SLC22A9: variants seen among roughly 807,000 people sequenced by gnomAD.
SLC22A9 encodes solute carrier family 22 member 9, also known as organic anion transporter 7.
Under a neutral mutation model 50.1 loss-of-function variants are expected in SLC22A9, and 64 were observed. The observed-to-expected ratio is 1.28, with a 90% CI of 1.04 to 1.57. The LOEUF (loss-of-function observed/expected upper bound fraction) is 1.57. SLC22A9 is among the 40% of genes most tolerant of loss of function. SLC22A9 has a pLI of 0.00. For missense variants in SLC22A9, 757 were observed against 676.1 expected (o/e 1.12, Z -1.33); for synonymous variants, 261 against 242.5 (o/e 1.08, Z -0.71).
At chr11:63,388,001 T>A (rs577327) in intron 6 of SLC22A9, among the ~76,000 whole-genome samples, 3 of 152,080 alleles carry the variant, frequency 2.0e-5, no homozygotes, top group African/African-American at 7.2e-5. Context: ...TTTTGTATCC[T>A]GCAGCTTCAC....
chr11:63,394,729 T>G (rs928321314), intron 6 of SLC22A9, among the ~76,000 whole-genome samples: 1 of 152,176 alleles, frequency 6.6e-6, no homozygotes, highest in African/African-American at 2.4e-5. Context: ...GAGATGAATT[T>G]CACAGGAGTT....
chr11:63,406,224 T>C (rs1055698142), intron 6 of SLC22A9, among the ~76,000 whole-genome samples: 5 of 152,232 alleles, frequency 3.3e-5, no homozygotes, highest in Non-Finnish European at 5.9e-5. Flanking sequence ...TCCTGCTTCA[T>C]AAGACACAGT....
chr11:63,371,268 A>G, intron 2 of SLC22A9, 30 bp downstream of exon 2: 1 of 1,496,364 alleles, frequency 6.7e-7, no homozygotes, highest in Non-Finnish European at 9.3e-7. Flanking sequence ...AGCTCTCTTT[A>G]AGGGCATTTT....
At chr11:63,371,041 A>G in intron 1 of SLC22A9, 94 bp from the exon 2 acceptor site, 1 of 862,042 alleles carries the variant, frequency 1.2e-6, no homozygotes, top group Admixed American at 2.3e-5. Context: ...TTAGAGACTT[A>G]ATATTAGGAA....
chr11:63,388,807 G>A (rs1049475732), intron 6 of SLC22A9, among the ~76,000 whole-genome samples: 1 of 151,880 alleles, frequency 6.6e-6, no homozygotes, highest in Non-Finnish European at 1.5e-5. Context: ...CAGGTCCAGA[G>A]CTTGTCTTTG....
At chr11:63,401,255 C>G (rs1322705320) in intron 6 of SLC22A9, among the ~76,000 whole-genome samples, 1 of 151,952 alleles carries the variant, frequency 6.6e-6, no homozygotes, top group African/African-American at 2.4e-5. Context: ...TACAAAAACC[C>G]AAAGACCCTC....
intron 6 of SLC22A9, among the ~76,000 whole-genome samples, chr11:63,399,742 G>A (rs1002285078): frequency 5.9e-5 from 9 of 152,110 alleles, no homozygotes; most frequent in Non-Finnish European, 1.0e-4. Flanking sequence ...AATGCAGGAT[G>A]TACATTCTTC....
chr11:63,393,276 T>G (rs2014796241), intron 6 of SLC22A9, among the ~76,000 whole-genome samples: 2 of 152,172 alleles, frequency 1.3e-5, no homozygotes, highest in Non-Finnish European at 2.9e-5. Context: ...GTTCTTGATT[T>G]GATTCTTCAC....
In SLC22A9 at chr11:63,408,716, G is replaced by A; in HGVS notation, c.1438G>A (p.Ala480Thr). The change falls in exon 9 of 10, where the codon GCA becomes ACA. Residue 480 changes from alanine (A) to threonine (T), a missense_variant. Ala to Thr is a moderately conservative substitution (Grantham distance 58). Transcript: ENST00000279178. The stretch of plus-strand genomic sequence containing the variant: ...GATCAATGCAACCTTTGCTAATATA[G>A]CAGGAGCCCTGGCTCCCCTCATGAT... ...MGINATFANI[A>T]GALAPLMMIL... The A allele has an allele frequency of 6.2e-7, 1 of 1,613,902 alleles. No homozygotes were observed. The highest frequency in any genetic ancestry group is 1.1e-5 in the South Asian group (1 of 91,082).
chr11:63,402,990 A>G (rs1454328550), intron 6 of SLC22A9, among the ~76,000 whole-genome samples: 1 of 152,142 alleles, frequency 6.6e-6, no homozygotes, highest in Admixed American at 6.6e-5. Flanking sequence ...AAGGAGAAGA[A>G]AAACACTTTC....
Position 63,370,087 on chromosome 11 carries a change from G to T in SLC22A9, c.31G>T (p.Gly11Cys). 2 of 1,613,586 alleles carry T rather than the reference G, an allele frequency of 1.2e-6. No homozygotes were observed. Among genetic ancestry groups the T allele is most frequent in the Non-Finnish European group, 1.7e-6 (2 of 1,179,684 alleles). ...CTTTCAGGACCTCCTGGGTCACGCT[G>T]GTGACCTGTGGAGATTCCAGATCCT... MAFQDLLGHA[G>C]DLWRFQILQT... Residue 11 changes from glycine (G) to cysteine (C), a missense_variant, in exon 1 of 10, where the codon GGT (glycine) becomes TGT (cysteine). Gly to Cys is a radical substitution (Grantham distance 159). Coordinates refer to ENST00000279178, the MANE Select transcript of SLC22A9 (RefSeq NM_080866.3).
intron 5 of SLC22A9, among the ~76,000 whole-genome samples, chr11:63,380,971 G>A (rs1327046992): frequency 6.6e-6 from 1 of 152,112 alleles, no homozygotes; most frequent in African/African-American, 2.4e-5. Flanking sequence ...GAAAAAAAGA[G>A]AGCATTGCTT....
At chr11:63,392,837 C>A (rs868539284) in intron 6 of SLC22A9, among the ~76,000 whole-genome samples, 3 of 152,028 alleles carry the variant, frequency 2.0e-5, no homozygotes, top group African/African-American at 7.2e-5. Context: ...TTTTAAAATT[C>A]TTGGTTTCTC....
rs759377695 is a variant in SLC22A9 at position 63,371,193 on chromosome 11, C to T, written c.461C>T (p.Ala154Val). ...TCAGTGGCTAAATTTGTATTCATGG[C>T]TGGAATGATGGTGGGAGGCATCCTA... ...LTSVAKFVFM[A>V]GMMVGGILGG... is the part of the protein sequence containing the mutation. Residue 154 changes from alanine to valine, a missense_variant, in exon 2 of 10, where the codon GCT becomes GTT. Physicochemically the swap from Ala to Val is moderately conservative, Grantham distance 64. Transcript: ENST00000279178. The T allele has an allele frequency of 4.3e-6, 7 of 1,613,198 alleles. No individual in the cohort carries two copies. The East Asian group carries it at 1.1e-4, about 26-fold the overall frequency.
At chr11:63,387,399 G>A (rs1252582984) in intron 6 of SLC22A9, among the ~76,000 whole-genome samples, 1 of 151,998 alleles carries the variant, frequency 6.6e-6, no homozygotes, top group African/African-American at 2.4e-5. Context: ...TGAAAAGACT[G>A]TCCTTTCCCC....
At chr11:63,407,491 G>A (rs1301805259) in intron 7 of SLC22A9, among the ~76,000 whole-genome samples, 1 of 152,140 alleles carries the variant, frequency 6.6e-6, no homozygotes, top group Non-Finnish European at 1.5e-5. Flanking sequence ...AATGTCATGA[G>A]GCTATGACAG....
chr11:63,408,611 A>G (rs1409764830), intron 8 of SLC22A9, 65 bp from the exon 9 acceptor site: 3 of 1,449,922 alleles, frequency 2.1e-6, no homozygotes, highest in East Asian at 4.6e-5. Context: ...GAGCAAAATG[A>G]TAAATCACAA....
intron 6 of SLC22A9, among the ~76,000 whole-genome samples, chr11:63,387,947 G>T (rs2014697658): frequency 6.6e-6 from 1 of 151,772 alleles, no homozygotes; most frequent in South Asian, 2.1e-4. Flanking sequence ...TTTTTAGATG[G>T]TTCCTTATTG....
chr11:63,393,612 T>C (rs534727993), intron 6 of SLC22A9, among the ~76,000 whole-genome samples: 1 of 152,278 alleles, frequency 6.6e-6, no homozygotes, highest in African/African-American at 2.4e-5. Context: ...TATGCCAGTT[T>C]TGCTGAGAGT....
Sources: allele counts gnomAD v4.1 joint callset (sites outside exome capture counted in the v4.1 genomes callset), GRCh38; gene constraint gnomAD v4.1.1; transcripts MANE v1.5; gene names NCBI Gene and HGNC (gene_info 2026-07-23, HGNC 2026-07-21).